Variants in CFAP46 observed in about 807,000 individuals in gnomAD.
CFAP46 encodes cilia- and flagella-associated protein 46.
Under a neutral mutation model 325.7 loss-of-function variants are expected in CFAP46, and 245 were observed. The observed-to-expected ratio is 0.75, with a 90% CI of 0.68 to 0.84. The LOEUF (loss-of-function observed/expected upper bound fraction) is 0.84. CFAP46 is among the 40% of genes least tolerant of loss of function. CFAP46 has a pLI of 0.00. For synonymous variants in CFAP46, 1,523 were observed against 1,495.9 expected (o/e 1.02, Z -0.42); for missense variants, 3,346 against 3,543.0 (o/e 0.94, Z 1.41).
intron 44 of CFAP46, 178 bp from the exon 45 acceptor site, chr10:132,837,092 A>G (rs1227765982): frequency 1.4e-5 from 8 of 561,614 alleles, no homozygotes; most frequent in Non-Finnish European, 2.2e-5. Flanking sequence ...CGGGGCTGCC[A>G]CCAGGGGGCA....
rs116639084 is a variant in CFAP46 at position 132,928,016 on chromosome 10, C to T, written c.967-1350G>A. ...AAGGGCCAGGACAGTGTCCTCAAGC[C>T]GGGGCAGAGGAACATGCTGTGCAGG... On this transcript the variant is annotated intron_variant, in intron 9 of 57. Transcript: ENST00000368586. Among the ~76,000 whole-genome samples, 1,478 of 152,252 alleles carry T rather than the reference C, an allele frequency of 9.7e-3. 24 individuals carry two copies. Among genetic ancestry groups the T allele is most frequent in the African/African-American group, 0.034 (1,414 of 41,546 alleles).
intron 44 of CFAP46, among the ~76,000 whole-genome samples, chr10:132,840,563 G>C (rs184597770): frequency 1.3e-5 from 2 of 152,166 alleles, no homozygotes; most frequent in Admixed American, 1.3e-4. Context: ...ATGCAAGGCT[G>C]TTATTTTTCC....
rs1234591492 is a variant in CFAP46, at chr10:132,857,604, A to G, written c.5560T>C (p.Leu1854=). The G allele has an allele frequency of 1.2e-6, 2 of 1,613,580 alleles. No individual in the cohort carries two copies. Among genetic ancestry groups the G allele is most frequent in the East Asian group, 2.2e-5 (1 of 44,878 alleles). ...CACCTGCTTACGTCTTGAAGTGACA[A>G]TAGGCCCTGGACGCTGTGAAGCCTC... ...EGRLHSVQGL[L]SLQDLQNVNT... Residue 1854 remains leucine, a synonymous_variant, in exon 39 of 58, where the codon TTG becomes CTG. Coordinates refer to ENST00000368586, the MANE Select transcript of CFAP46 (RefSeq NM_001200049.3).
intron 35 of CFAP46, among the ~76,000 whole-genome samples, chr10:132,864,425 C>T (rs1848776413): frequency 1.6e-5 from 2 of 123,162 alleles, no homozygotes; most frequent in East Asian, 2.6e-4. Context: ...CATGCACACA[C>T]CTGTCCCCAG....
intron 7 of CFAP46, 130 bp downstream of exon 7, chr10:132,936,831 G>GC: frequency 2.2e-6 from 1 of 460,172 alleles, no homozygotes; most frequent in East Asian, 3.4e-5. Context: ...CTATTCTCCA[G>GC]CCCCACTCAC....
chr10:132,860,580 A>T, intron 36 of CFAP46, 57 bp from the exon 37 acceptor site: 1 of 1,351,796 alleles, frequency 7.4e-7, no homozygotes, highest in Non-Finnish European at 1.0e-6. Context: ...GCATGGATAC[A>T]GGCCTGAGGA....
rs1452945714 is a variant in CFAP46 at position 132,828,921 on chromosome 10, C to G, written c.7117+4437G>C. Among the ~76,000 whole-genome samples, 1 of 152,148 alleles carries G rather than the reference C, an allele frequency of 6.6e-6. No homozygotes were observed. Among genetic ancestry groups the G allele is most frequent in the Non-Finnish European group, 1.5e-5 (1 of 68,026 alleles). ...GTGCTTCTGGTTCCCCGCCCCATCC[C>G]CTGGGTCTACACGGCTACCGTCACG... On this transcript the variant is annotated intron_variant, in intron 50 of 57. Transcript: ENST00000368586. This position sits in a 1 kb window ranked among gnomAD's most constrained non-coding sequence, Gnocchi z 4.9.
chr10:132,853,750 C>G (rs981664344), intron 39 of CFAP46, among the ~76,000 whole-genome samples: 3 of 152,174 alleles, frequency 2.0e-5, no homozygotes, highest in Admixed American at 2.0e-4. Flanking sequence ...GTAGTTCATG[C>G]TTTCAAGGAA....
At chr10:132,922,913 G>A (rs1291147180) in intron 11 of CFAP46, among the ~76,000 whole-genome samples, 1 of 152,226 alleles carries the variant, frequency 6.6e-6, no homozygotes, top group Non-Finnish European at 1.5e-5. Context: ...AGAAGCCCCT[G>A]CAGACCGCAG....
chr10:132,857,809 G>A lies in CFAP46; in HGVS notation c.5376-21C>T, dbSNP rs760232667. The A allele has an allele frequency of 3.4e-6, 5 of 1,482,172 alleles. No homozygotes were observed. The South Asian group carries it at 6.6e-5, about 20-fold the overall frequency. 91.8% of individuals were successfully genotyped at this position (1,482,172 alleles called of 1,614,324 possible). On this transcript the variant is annotated intron_variant, in intron 38 of 57. Transcript: ENST00000368586. Reference sequence around the variant, plus strand: ...GTAACCTTTATAAGACATAAGAATGGAATTTTAAAACATTATGTTATTATT... The same window carrying A: ...GTAACCTTTATAAGACATAAGAATGAAATTTTAAAACATTATGTTATTATT...
chr10:132,809,334 G>C (rs1472898133), intron 57 of CFAP46, among the ~76,000 whole-genome samples: 1 of 152,234 alleles, frequency 6.6e-6, no homozygotes, highest in Non-Finnish European at 1.5e-5. Context: ...GGGACAGCCA[G>C]CCTGGCTCTG....
At chr10:132,821,329 CTGA>C (rs202012493) in intron 50 of CFAP46, among the ~76,000 whole-genome samples, 2,675 of 100,754 alleles carry the variant, frequency 0.027, no homozygotes, top group Non-Finnish European at 0.033. Context: ...TGTGTGAGTG[CTGA>C]TGTGTGCTGT....
At chr10:132,904,092 C>T (rs1298360888) in intron 22 of CFAP46, among the ~76,000 whole-genome samples, 1 of 152,226 alleles carries the variant, frequency 6.6e-6, no homozygotes, top group Non-Finnish European at 1.5e-5. Flanking sequence ...AAATTCCATG[C>T]TAGAGTTTCT....
At chr10:132,932,664 C>T (rs1327722405) in intron 8 of CFAP46, among the ~76,000 whole-genome samples, 8 of 152,280 alleles carry the variant, frequency 5.3e-5, no homozygotes, top group African/African-American at 1.7e-4. Context: ...TCCTACCATG[C>T]GACAAGCCCG....
At chr10:132,878,881 A>G (rs369250893) in intron 29 of CFAP46, among the ~76,000 whole-genome samples, 3 of 152,262 alleles carry the variant, frequency 2.0e-5, no homozygotes, top group South Asian at 4.1e-4. Flanking sequence ...GGAGGCCTAG[A>G]CAGACGCACG....
At chr10:132,863,682 A>G (rs1363298545) in intron 35 of CFAP46, among the ~76,000 whole-genome samples, 1 of 148,308 alleles carries the variant, frequency 6.7e-6, no homozygotes, top group East Asian at 2.0e-4. Flanking sequence ...AGTGCCTGAG[A>G]CCTGCATGCA....
At chr10:132,931,808 C>T (rs560097439) in intron 8 of CFAP46, among the ~76,000 whole-genome samples, 1 of 145,280 alleles carries the variant, frequency 6.9e-6, no homozygotes, top group Non-Finnish European at 1.5e-5. Flanking sequence ...CCTCCCCACA[C>T]AGAGCCTGGG....
chr10:132,936,907 C>T, intron 7 of CFAP46, 54 bp downstream of exon 7: 3 of 1,165,138 alleles, frequency 2.6e-6, no homozygotes, highest in Non-Finnish European at 1.2e-6. Context: ...AGAGCTCTCC[C>T]AAGCCCAGCA....
At chr10:132,837,708 CAG>C (rs1384866833) in intron 44 of CFAP46, among the ~76,000 whole-genome samples, 1 of 147,274 alleles carries the variant, frequency 6.8e-6, no homozygotes, top group Admixed American at 6.7e-5. Context: ...TGCACACACA[CAG>C]ACATGCACGG....
Sources: gnomAD v4.1 joint callset for allele counts (sites outside exome capture counted in the v4.1 genomes callset) on GRCh38, gnomAD v4.1.1 for gene constraint, Gnocchi (gnomAD v3.1) non-coding constraint, MANE v1.5 for transcripts, NCBI Gene and HGNC (gene_info 2026-07-23, HGNC 2026-07-21) for gene names.